MEI4: variants seen among roughly 807,000 people sequenced by gnomAD.
MEI4 encodes the protein meiotic double-stranded break formation protein 4, also known as meiosis-specific protein MEI4.
MEI4 carries 27 observed loss-of-function variants against 31.4 expected under a neutral mutation model. The observed-to-expected ratio is 0.86, with a 90% confidence interval of 0.63 to 1.19. The LOEUF (loss-of-function observed/expected upper bound fraction) is 1.19, where lower values mean the gene tolerates loss of function less well. MEI4 is among the 50% of genes most tolerant of loss of function. MEI4 has a pLI of 0.00. For synonymous variants in MEI4, 122 were observed against 145.4 expected (o/e 0.84, Z 1.16); for missense variants, 329 against 398.9 (o/e 0.82, Z 1.49).
At chr6:77,659,714 G>A (rs202158695) in intron 1 of MEI4, among the ~76,000 whole-genome samples, 1 of 152,148 alleles carries the variant, frequency 6.6e-6, no homozygotes, top group East Asian at 1.9e-4. Flanking sequence ...ATGTTTTTAA[G>A]TTTGTCAGTA....
chr6:77,837,337 A>C (rs1770244185), intron 4 of MEI4, among the ~76,000 whole-genome samples: 1 of 152,318 alleles, frequency 6.6e-6, no homozygotes, highest in East Asian at 1.9e-4. Context: ...GCTAACTTGC[A>C]GGTAAAACAA....
chr6:77,763,087 G>A (rs1475472983), intron 3 of MEI4, among the ~76,000 whole-genome samples: 3 of 152,050 alleles, frequency 2.0e-5, no homozygotes, highest in Admixed American at 6.6e-5. Context: ...CTTCATATAT[G>A]TATTGGAGGT....
At chr6:77,793,170 A>G (rs1768984389) in intron 3 of MEI4, among the ~76,000 whole-genome samples, 2 of 152,210 alleles carry the variant, frequency 1.3e-5, no homozygotes, top group South Asian at 4.1e-4. Flanking sequence ...GACTAATCAC[A>G]TACAAGTAAA....
At chr6:77,736,655 C>T (rs958374062) in intron 2 of MEI4, among the ~76,000 whole-genome samples, 1 of 152,024 alleles carries the variant, frequency 6.6e-6, no homozygotes, top group African/African-American at 2.4e-5. Flanking sequence ...ATTTTGGCTC[C>T]TACCCCCTTA....
chr6:77,794,557 G>A (rs568148978), intron 3 of MEI4, among the ~76,000 whole-genome samples: 6 of 152,154 alleles, frequency 3.9e-5, no homozygotes, highest in South Asian at 2.1e-4. Flanking sequence ...GTGAGACTCT[G>A]TCTCAAAACA....
At chr6:77,769,339 C>G (rs1051741075) in intron 3 of MEI4, among the ~76,000 whole-genome samples, 1 of 152,088 alleles carries the variant, frequency 6.6e-6, no homozygotes, top group African/African-American at 2.4e-5. Context: ...ATCATCCATC[C>G]TAGCAATTGG....
intron 2 of MEI4, among the ~76,000 whole-genome samples, 188 bp from the exon 3 acceptor site, chr6:77,760,942 T>C (rs1449898710): frequency 6.6e-6 from 1 of 152,212 alleles, no homozygotes; most frequent in Non-Finnish European, 1.5e-5. Flanking sequence ...ATAAAGACCT[T>C]TTTTCTACAA....
chr6:77,733,433 C>T (rs1357882568), intron 2 of MEI4, among the ~76,000 whole-genome samples: 2 of 152,058 alleles, frequency 1.3e-5, no homozygotes, highest in Non-Finnish European at 2.9e-5. Flanking sequence ...TCGTAGTATT[C>T]TCTGATGGTA....
intron 3 of MEI4, among the ~76,000 whole-genome samples, chr6:77,799,286 G>A (rs1582157833): frequency 6.6e-6 from 1 of 152,174 alleles, no homozygotes. Context: ...CTGCATAAAT[G>A]TCTTCTTTTG....
chr6:77,851,689 G>A (rs545163075), intron 4 of MEI4, among the ~76,000 whole-genome samples: 6 of 151,310 alleles, frequency 4.0e-5, no homozygotes, highest in East Asian at 2.0e-4. Flanking sequence ...TGTAAATGAC[G>A]AATTAATGGA....
intron 4 of MEI4, among the ~76,000 whole-genome samples, chr6:77,915,511 T>C (rs1209124137): frequency 6.6e-6 from 1 of 152,030 alleles, no homozygotes; most frequent in Non-Finnish European, 1.5e-5. Context: ...GTTCATATGG[T>C]GAGTGTTCAT....
chr6:77,727,367 T>C (rs954525087), intron 2 of MEI4, among the ~76,000 whole-genome samples: 2 of 152,238 alleles, frequency 1.3e-5, no homozygotes, highest in African/African-American at 2.4e-5. Flanking sequence ...ATTTTATGAA[T>C]GTTTTATGTA....
intron 2 of MEI4, among the ~76,000 whole-genome samples, chr6:77,693,371 A>G (rs890407896): frequency 1.3e-5 from 2 of 152,218 alleles, no homozygotes; most frequent in South Asian, 4.1e-4. Flanking sequence ...CCATGAAATC[A>G]AAACTCTTGT....
intron 1 of MEI4, among the ~76,000 whole-genome samples, chr6:77,686,699 A>C (rs1350856378): frequency 1.3e-5 from 2 of 152,100 alleles, no homozygotes; most frequent in Non-Finnish European, 2.9e-5. Flanking sequence ...GTATGGGCAT[A>C]AAGTTTTGTA....
chr6:77,686,324 G>A (rs2127651014), intron 1 of MEI4, among the ~76,000 whole-genome samples: 1 of 152,178 alleles, frequency 6.6e-6, no homozygotes, highest in South Asian at 2.1e-4. Flanking sequence ...CTCAACTCAT[G>A]GTGAAGGGTT....
intron 2 of MEI4, among the ~76,000 whole-genome samples, chr6:77,739,500 C>T (rs1184400822): frequency 6.6e-6 from 1 of 152,084 alleles, no homozygotes; most frequent in East Asian, 1.9e-4. Context: ...CATGTTCTCA[C>T]TCATAAGTGG....
intron 2 of MEI4, among the ~76,000 whole-genome samples, chr6:77,734,519 G>A (rs1339125256): frequency 6.6e-6 from 1 of 151,788 alleles, no homozygotes; most frequent in African/African-American, 2.4e-5. Flanking sequence ...TTTATTTTGA[G>A]CCTATTTGTG....
chr6:77,751,920 C>T (rs1767785651), intron 2 of MEI4, among the ~76,000 whole-genome samples: 1 of 152,120 alleles, frequency 6.6e-6, no homozygotes, highest in African/African-American at 2.4e-5. Flanking sequence ...GCTTATCCAC[C>T]ATGATCAAGT....
At chr6:77,871,001 A>G (rs937106942) in intron 4 of MEI4, among the ~76,000 whole-genome samples, 2 of 152,210 alleles carry the variant, frequency 1.3e-5, no homozygotes, top group African/African-American at 4.8e-5. Flanking sequence ...AGACTTTTAT[A>G]GTAATAATGA....
Sources: allele counts gnomAD v4.1 joint callset (sites outside exome capture counted in the v4.1 genomes callset), GRCh38; gene constraint gnomAD v4.1.1; transcripts MANE v1.5; gene names NCBI Gene and HGNC (gene_info 2026-07-23, HGNC 2026-07-21).